The following RFTN2 variants were observed in gnomAD, a reference collection of about 807,000 sequenced individuals.
The protein encoded by RFTN2 is raftlin family member 2, also known as raftlin-2.
In RFTN2, 34 loss-of-function variants were observed where a neutral mutation model predicts 52.7. The ratio of observed to expected loss-of-function variants is 0.64; its 90% confidence interval spans 0.49 to 0.86. RFTN2 has a LOEUF of 0.86. Ranked by LOEUF, RFTN2 falls within the 40% of genes least tolerant of loss-of-function variation. RFTN2 has a pLI of 0.00. For missense variants in RFTN2, 536 were observed against 600.1 expected (o/e 0.89, Z 1.12); for synonymous variants, 203 against 217.7 (o/e 0.93, Z 0.59).
chr2:197,657,957 C>A (rs1295416178), intron 1 of RFTN2, among the ~76,000 whole-genome samples: 1 of 152,128 alleles, frequency 6.6e-6, no homozygotes, highest in African/African-American at 2.4e-5. Context: ...GGTATTCAAA[C>A]CTTCTTCAGT....
chr2:197,578,321 A>G (rs2087450851), intron 8 of RFTN2, among the ~76,000 whole-genome samples: 1 of 152,328 alleles, frequency 6.6e-6, no homozygotes, highest in East Asian at 1.9e-4. Flanking sequence ...TCAAATGTTA[A>G]AAGATGGCAA....
chr2:197,572,989 C>T (rs191919001), intron 8 of RFTN2, among the ~76,000 whole-genome samples: 2 of 151,950 alleles, frequency 1.3e-5, no homozygotes, highest in Non-Finnish European at 2.9e-5. Context: ...GGCCTCCCTA[C>T]GTGGAACTGT....
chr2:197,631,830 G>T (rs912620705), intron 4 of RFTN2, among the ~76,000 whole-genome samples: 1 of 152,136 alleles, frequency 6.6e-6, no homozygotes, highest in South Asian at 2.1e-4. Context: ...AATTCTTAAC[G>T]TAGGGTCAGT....
intron 7 of RFTN2, among the ~76,000 whole-genome samples, chr2:197,608,062 G>C (rs2087990624): frequency 6.6e-6 from 1 of 152,138 alleles, no homozygotes; most frequent in Admixed American, 6.6e-5. Context: ...GCATTAGAAT[G>C]GGCCAAATCC....
intron 3 of RFTN2, among the ~76,000 whole-genome samples, chr2:197,640,486 T>G (rs2088650497): frequency 6.6e-6 from 1 of 152,150 alleles, no homozygotes; most frequent in Admixed American, 6.5e-5. Flanking sequence ...CGGGTGGGAG[T>G]GACCCGATTT....
intron 3 of RFTN2, among the ~76,000 whole-genome samples, chr2:197,641,361 C>G (rs184445151): frequency 1.3e-5 from 2 of 152,238 alleles, no homozygotes; most frequent in East Asian, 3.9e-4. Flanking sequence ...AGATTGTAAC[C>G]ATTTAAAACA....
At chr2:197,655,822 C>CA (rs988127559) in intron 1 of RFTN2, among the ~76,000 whole-genome samples, 29 of 149,058 alleles carry the variant, frequency 1.9e-4, no homozygotes, top group African/African-American at 3.5e-4. Context: ...GACTCCGTCT[C>CA]AAAAAAAAAC....
chr2:197,649,855 C>G (rs775139992), intron 1 of RFTN2, among the ~76,000 whole-genome samples: 9 of 152,174 alleles, frequency 5.9e-5, no homozygotes, highest in Non-Finnish European at 1.2e-4. Context: ...TAAGTTGCTA[C>G]TACATATAGA....
intron 3 of RFTN2, 142 bp downstream of exon 3, chr2:197,644,016 C>G (rs2088711393): frequency 1.6e-6 from 1 of 629,224 alleles, no homozygotes. Flanking sequence ...CCATTTGGCA[C>G]AAGTACTTCG....
intron 5 of RFTN2, among the ~76,000 whole-genome samples, chr2:197,630,329 C>T (rs921496228): frequency 6.6e-6 from 1 of 152,130 alleles, no homozygotes; most frequent in Non-Finnish European, 1.5e-5. Context: ...CTAAACTTCA[C>T]CTTTCCTAAT....
chr2:197,612,221 T>C (rs551650865), intron 7 of RFTN2, among the ~76,000 whole-genome samples: 2 of 152,156 alleles, frequency 1.3e-5, no homozygotes, highest in Non-Finnish European at 2.9e-5. Flanking sequence ...CTTCTGGATA[T>C]AAATGAGTGC....
chr2:197,625,729 T>TC (rs1559354429), intron 5 of RFTN2, among the ~76,000 whole-genome samples: 2 of 43,220 alleles, frequency 4.6e-5, no homozygotes, highest in African/African-American at 1.6e-4. Flanking sequence ...CTCCCCTCCC[T>TC]TCCCCTCCCC....
intron 8 of RFTN2, among the ~76,000 whole-genome samples, chr2:197,590,052 T>C (rs1354949527): frequency 6.7e-6 from 1 of 148,888 alleles, no homozygotes; most frequent in Non-Finnish European, 1.5e-5. Flanking sequence ...GGATTACCCG[T>C]GTGCGCCACC....
At chr2:197,597,745 C>T (rs764854696) in intron 7 of RFTN2, among the ~76,000 whole-genome samples, 9 of 151,998 alleles carry the variant, frequency 5.9e-5, no homozygotes, top group African/African-American at 1.4e-4. Flanking sequence ...CTCAAACTCC[C>T]GACCTCAGGT....
chr2:197,645,903 G>A (rs2088741080), intron 2 of RFTN2, among the ~76,000 whole-genome samples: 2 of 152,166 alleles, frequency 1.3e-5, no homozygotes, highest in Admixed American at 1.3e-4. Flanking sequence ...GCAGGAGCCT[G>A]TAATCCCAGC....
chr2:197,658,278 T>C (rs570883070), intron 1 of RFTN2, among the ~76,000 whole-genome samples: 5 of 151,874 alleles, frequency 3.3e-5, no homozygotes, highest in Non-Finnish European at 7.4e-5. Context: ...TTATGAGGGA[T>C]GTGTGACCCC....
intron 8 of RFTN2, among the ~76,000 whole-genome samples, chr2:197,589,844 GTT>G (rs2087671120): frequency 2.6e-5 from 4 of 152,074 alleles, no homozygotes; most frequent in Admixed American, 2.0e-4. Context: ...CAGAACAAAA[GTT>G]TTATATTTTG....
At chr2:197,663,592 A>C (rs940667490) in intron 1 of RFTN2, among the ~76,000 whole-genome samples, 4 of 152,176 alleles carry the variant, frequency 2.6e-5, no homozygotes, top group South Asian at 2.1e-4. Flanking sequence ...TATTTCCTCT[A>C]GGTTTTACGG....
At chr2:197,609,363 T>C (rs2088017284) in intron 7 of RFTN2, among the ~76,000 whole-genome samples, 1 of 152,242 alleles carries the variant, frequency 6.6e-6, no homozygotes, top group Admixed American at 6.5e-5. Flanking sequence ...TGCTTTTGAT[T>C]TGCATTTCTA....
Sources: gnomAD v4.1 joint callset for allele counts (sites outside exome capture counted in the v4.1 genomes callset) on GRCh38, gnomAD v4.1.1 for gene constraint, MANE v1.5 for transcripts, NCBI Gene and HGNC (gene_info 2026-07-23, HGNC 2026-07-21) for gene names.